The following GLI3 variants were observed in gnomAD, a reference collection of about 807,000 sequenced individuals.
GLI3 encodes the protein GLI family zinc finger 3.
Under a neutral mutation model 100.8 loss-of-function variants are expected in GLI3, and 20 were observed. The observed-to-expected ratio is 0.20, with a 90% CI of 0.14 to 0.29. GLI3 has a LOEUF of 0.29. Ranked by LOEUF, GLI3 falls within the 10% of genes least tolerant of loss-of-function variation. The pLI is 1.00. For missense variants in GLI3, 2,040 were observed against 2,128.5 expected (o/e 0.96, Z 0.82); for synonymous variants, 938 against 860.5 (o/e 1.09, Z -1.58).
intron 4 of GLI3, among the ~76,000 whole-genome samples, chr7:42,058,912 T>TA (rs1198523909): frequency 1.3e-5 from 2 of 152,178 alleles, no homozygotes; most frequent in African/African-American, 2.4e-5. Flanking sequence ...GTCAAAGAAT[T>TA]AAAAAGAAAG....
rs573395907 is a variant in GLI3, at chr7:42,091,032, GGGGCCTGTGCAGCCCCT to G, written c.368-14192_368-14176del. Among the ~76,000 whole-genome samples, 56 of 152,356 alleles carry G rather than the reference GGGGCCTGTGCAGCCCCT, an allele frequency of 3.7e-4. 1 individual carries two copies. Among genetic ancestry groups the G allele is most frequent in the African/African-American group, 1.2e-3 (51 of 41,586 alleles). On this transcript the variant is annotated intron_variant, in intron 3 of 14. Coordinates refer to ENST00000395925, the MANE Select transcript of GLI3 (RefSeq NM_000168.6). Reference sequence around the variant, plus strand: ...ACAGCAGGGCCAACTACCCAGGCATGGGGCCTGTGCAGCCCCTGGGCCTGTGGTCAGAAGGGCCCGAG... The same window carrying G: ...ACAGCAGGGCCAACTACCCAGGCATGGGGCCTGTGGTCAGAAGGGCCCGAG...
intron 3 of GLI3, among the ~76,000 whole-genome samples, chr7:42,116,764 G>A (rs3801187): frequency 0.22 from 33,055 of 151,862 alleles, 5,382 homozygotes; most frequent in African/African-American, 0.47. Flanking sequence ...ACACTAATAG[G>A]ATCCATAAAC....
In GLI3 at chr7:42,192,371, A is replaced by G. The variant is rs141127080; in HGVS notation, c.124+30759T>C. On this transcript the variant is annotated intron_variant, in intron 2 of 14. Transcript: ENST00000395925. Reference sequence around the variant, plus strand: ...TCTTCCTGACCATCAGCTTCCTAACAGAGTTCTGCCTACACCTTTGGTGGC... The same window carrying G: ...TCTTCCTGACCATCAGCTTCCTAACGGAGTTCTGCCTACACCTTTGGTGGC... Among the ~76,000 whole-genome samples the G allele has an allele frequency of 9.3e-3, 1,410 of 152,324 alleles. 16 individuals carry two copies. The highest frequency in any genetic ancestry group is 0.015 in the Non-Finnish European group (1,039 of 68,038).
chr7:42,088,249 T>C (rs115691686), intron 3 of GLI3, among the ~76,000 whole-genome samples: 1,533 of 152,334 alleles, frequency 0.01, 19 homozygotes, highest in African/African-American at 0.034. Context: ...TTCTTTAGAA[T>C]GCCTTCTCAA....
chr7:42,016,621 G>C (rs775771858), intron 10 of GLI3, among the ~76,000 whole-genome samples: 27 of 152,218 alleles, frequency 1.8e-4, no homozygotes, highest in Admixed American at 5.2e-4. Flanking sequence ...CATTCACACT[G>C]TACTGCCACT....
At chr7:42,246,805 C>CTTTTTTTTTTTTTTTTTTTTTTTT (rs71006467) in intron 1 of GLI3, among the ~76,000 whole-genome samples, 10 of 94,970 alleles carry the variant, frequency 1.1e-4, no homozygotes, top group Non-Finnish European at 1.4e-4. Context: ...ATGATAGAAT[C>CTTTTTTTTTTTTTTTTTTTTTTTT]TTTTTTTTTT....
intron 4 of GLI3, among the ~76,000 whole-genome samples, chr7:42,051,838 C>CA (rs1269957894): frequency 6.6e-6 from 1 of 152,074 alleles, no homozygotes; most frequent in Non-Finnish European, 1.5e-5. Flanking sequence ...GATGAGCCTA[C>CA]ACTCACACAT....
chr7:41,992,173 C>G (rs1409102384), intron 10 of GLI3, among the ~76,000 whole-genome samples: 2 of 152,178 alleles, frequency 1.3e-5, no homozygotes, highest in Non-Finnish European at 2.9e-5. Flanking sequence ...TATAATCATC[C>G]AAGAAAGCTG....
chr7:42,132,119 G>T (rs963585734), intron 3 of GLI3, among the ~76,000 whole-genome samples: 1 of 144,408 alleles, frequency 6.9e-6, no homozygotes, highest in Non-Finnish European at 1.5e-5. Flanking sequence ...ATTTATTTTT[G>T]AGATGGAGGC....
At chr7:42,012,026 G>T (rs1429966763) in intron 10 of GLI3, among the ~76,000 whole-genome samples, 1 of 152,192 alleles carries the variant, frequency 6.6e-6, no homozygotes, top group African/African-American at 2.4e-5. Flanking sequence ...CCGACTTCCT[G>T]CTGGTCCTCA....
intron 2 of GLI3, among the ~76,000 whole-genome samples, chr7:42,173,491 T>C (rs1263733831): frequency 3.3e-5 from 5 of 152,198 alleles, no homozygotes; most frequent in African/African-American, 4.8e-5. Flanking sequence ...AAGCTGCCCA[T>C]TTATTCTGAT....
At chr7:42,121,148 C>A (rs1353846859) in intron 3 of GLI3, among the ~76,000 whole-genome samples, 3 of 152,218 alleles carry the variant, frequency 2.0e-5, no homozygotes, top group Non-Finnish European at 4.4e-5. Context: ...TCCCCACCTG[C>A]CTCAGTGTTC....
chr7:42,169,895 GA>G (rs1166997040), intron 2 of GLI3, among the ~76,000 whole-genome samples: 1 of 151,398 alleles, frequency 6.6e-6, no homozygotes, highest in African/African-American at 2.4e-5. Flanking sequence ...ACAATCAATT[GA>G]AATATAAGAA....
At chr7:42,205,041 G>A (rs746601764) in intron 2 of GLI3, among the ~76,000 whole-genome samples, 4 of 152,196 alleles carry the variant, frequency 2.6e-5, no homozygotes, top group African/African-American at 9.7e-5. Context: ...GGTTGTGGGT[G>A]TGCTTTCAAG....
At chr7:42,038,956 A>G (rs1392389176) in intron 7 of GLI3, among the ~76,000 whole-genome samples, 1 of 152,208 alleles carries the variant, frequency 6.6e-6, no homozygotes, top group African/African-American at 2.4e-5. Context: ...GAAACAAACA[A>G]AACCTCACTT....
intron 12 of GLI3, among the ~76,000 whole-genome samples, chr7:41,975,300 G>A (rs1787480905): frequency 6.6e-6 from 1 of 152,166 alleles, no homozygotes; most frequent in South Asian, 2.1e-4. Context: ...TTAAGTATTT[G>A]TTCAATGAAT....
chr7:42,261,984 C>CTTTCTTTCTTTCTTTCT (rs1271144051), intron 1 of GLI3, among the ~76,000 whole-genome samples: 2 of 132,538 alleles, frequency 1.5e-5, no homozygotes, highest in African/African-American at 5.4e-5. Flanking sequence ...CTCTCTCTTT[C>CTTTCTTTCTTTCTTTCT]TTTCTTTCTT....
At chr7:42,119,844 G>A (rs181908695) in intron 3 of GLI3, among the ~76,000 whole-genome samples, 2 of 152,268 alleles carry the variant, frequency 1.3e-5, no homozygotes, top group Admixed American at 1.3e-4. Context: ...AACATTAAGT[G>A]CAATAACTTT....
intron 3 of GLI3, among the ~76,000 whole-genome samples, chr7:42,145,798 T>G (rs2128785243): frequency 6.6e-6 from 1 of 152,288 alleles, no homozygotes; most frequent in Non-Finnish European, 1.5e-5. Context: ...AAGAACTACC[T>G]TAATACATTT....
Sources: allele counts gnomAD v4.1 joint callset (sites outside exome capture counted in the v4.1 genomes callset), GRCh38; gene constraint gnomAD v4.1.1; transcripts MANE v1.5; gene names NCBI Gene and HGNC (gene_info 2026-07-23, HGNC 2026-07-21).